The following SPECC1L variants were observed in gnomAD, a reference collection of about 807,000 sequenced individuals.
The protein encoded by SPECC1L is sperm antigen with calponin homology and coiled-coil domains 1 like.
A neutral mutation model predicts 116.8 loss-of-function variants in SPECC1L; 40 were observed. That is an observed-to-expected ratio of 0.34 (90% CI 0.27 to 0.45). The LOEUF (loss-of-function observed/expected upper bound fraction) is 0.45, where lower values mean the gene tolerates loss of function less well. Among genes scored for constraint, SPECC1L ranks in the 20% least tolerant of loss-of-function variants. SPECC1L has a pLI of 1.00. For missense variants in SPECC1L, 1,110 were observed against 1,373.6 expected, an observed-to-expected ratio of 0.81 and a Z score of 3.03; for synonymous variants, 504 against 500.6, an observed-to-expected ratio of 1.01 and a Z score of -0.09.
chr22:24,338,318 A>G, intron 9 of SPECC1L, 68 bp from the exon 10 acceptor site: 2 of 1,488,660 alleles, frequency 1.3e-6, no homozygotes, highest in Non-Finnish European at 1.9e-6. Context: ...GCGAGTCCTT[A>G]AGTGGAGACC....
At chr22:24,409,136 G>A (rs1478601642) in intron 14 of SPECC1L, among the ~76,000 whole-genome samples, 1 of 152,234 alleles carries the variant, frequency 6.6e-6, no homozygotes, top group Non-Finnish European at 1.5e-5. Context: ...ATTCTGTACA[G>A]ATATAGTTAA....
intron 14 of SPECC1L, among the ~76,000 whole-genome samples, chr22:24,399,784 GAC>G (rs2042436961): frequency 6.6e-6 from 1 of 152,122 alleles, no homozygotes; most frequent in Non-Finnish European, 1.5e-5. Flanking sequence ...TACAGAGGAT[GAC>G]ATATATCAGG....
intron 14 of SPECC1L, among the ~76,000 whole-genome samples, chr22:24,390,135 TAA>T (rs397961386): frequency 1.2e-3 from 167 of 135,534 alleles, no homozygotes; most frequent in African/African-American, 3.7e-3. Context: ...CCCCAACCCT[TAA>T]AAAAAAAAAA....
At chr22:24,296,633 T>A (rs924815703) in intron 2 of SPECC1L, among the ~76,000 whole-genome samples, 2 of 152,274 alleles carry the variant, frequency 1.3e-5, no homozygotes, top group African/African-American at 2.4e-5. Context: ...TGCTGTGAAC[T>A]GTGCTCCTTC....
chr22:24,332,204 G>A lies in SPECC1L; in HGVS notation c.2396+1773G>A, dbSNP rs1024965990. On this transcript the variant is annotated intron_variant, in intron 8 of 16. Transcript: ENST00000314328. ...CAGTATTCGTTGCCAGTGATAAAAT[G>A]TGGGCTTTGAAGTGAATGTTAGGAT... Among the ~76,000 whole-genome samples the A allele has an allele frequency of 2.0e-5, 3 of 152,308 alleles. No individual in the cohort carries two copies. In the East Asian group the frequency reaches 5.8e-4, roughly 29 times the overall value.
chr22:24,368,306 A>G (rs892740373), intron 13 of SPECC1L, among the ~76,000 whole-genome samples: 1 of 152,214 alleles, frequency 6.6e-6, no homozygotes, highest in African/African-American at 2.4e-5. Context: ...TCAATTGCCT[A>G]CTGCCTGCAC....
chr22:24,316,968 T>G (rs2040587249), intron 4 of SPECC1L, among the ~76,000 whole-genome samples: 1 of 110,138 alleles, frequency 9.1e-6, no homozygotes, highest in Non-Finnish European at 2.0e-5. Context: ...GCTCCTCACT[T>G]CCCAGTAGGG....
rs535375235 is a variant in SPECC1L, at chr22:24,302,579, A to G, written c.153+195A>G. Among the ~76,000 whole-genome samples, 3 of 152,332 alleles carry G rather than the reference A, an allele frequency of 2.0e-5. No homozygotes were observed. In the South Asian group the frequency reaches 6.2e-4, roughly 32 times the overall value. The stretch of plus-strand genomic sequence containing the variant: ...CTGTCTTTTTGAATGAAACCAGACA[A>G]TAGGCTTGTTCATGAAACAATAATT... On this transcript the variant is annotated intron_variant, in intron 3 of 16. Coordinates refer to ENST00000314328, the MANE Select transcript of SPECC1L (RefSeq NM_015330.6).
chr22:24,281,681 GC>G (rs2048945579), intron 2 of SPECC1L, among the ~76,000 whole-genome samples: 1 of 152,162 alleles, frequency 6.6e-6, no homozygotes, highest in African/African-American at 2.4e-5. Flanking sequence ...CGTTTTCAAA[GC>G]TTTTTGATGG....
chr22:24,377,758 G>A (rs1569441728), intron 14 of SPECC1L, among the ~76,000 whole-genome samples: 1 of 152,190 alleles, frequency 6.6e-6, no homozygotes, highest in Non-Finnish European at 1.5e-5. Flanking sequence ...TTGTCAATGA[G>A]CAGTAATATT....
At chr22:24,292,680 C>T (rs968708814) in intron 2 of SPECC1L, among the ~76,000 whole-genome samples, 1 of 152,032 alleles carries the variant, frequency 6.6e-6, no homozygotes, top group Non-Finnish European at 1.5e-5. Flanking sequence ...CATAGCCTTA[C>T]CATTGCTTTG....
chr22:24,381,708 C>T (rs554352037), intron 14 of SPECC1L, among the ~76,000 whole-genome samples: 22 of 152,112 alleles, frequency 1.4e-4, no homozygotes, highest in African/African-American at 3.6e-4. Flanking sequence ...TATGGTGAAA[C>T]GCCAGCTCTA....
chr22:24,315,568 G>A (rs1243527715), intron 4 of SPECC1L, among the ~76,000 whole-genome samples: 1 of 152,254 alleles, frequency 6.6e-6, no homozygotes, highest in Non-Finnish European at 1.5e-5. Context: ...CCATTTGCAT[G>A]TCTTCCTGTT....
intron 14 of SPECC1L, among the ~76,000 whole-genome samples, chr22:24,410,349 G>A (rs1212152305): frequency 6.6e-6 from 1 of 152,192 alleles, no homozygotes; most frequent in Non-Finnish European, 1.5e-5. Context: ...GTTTTTGATG[G>A]ACTGCAAGTC....
chr22:24,385,070 AAAAAAAG>A (rs2042135980), intron 14 of SPECC1L, among the ~76,000 whole-genome samples: 2 of 151,772 alleles, frequency 1.3e-5, no homozygotes, highest in African/African-American at 4.8e-5. Flanking sequence ...CTCAAAAAAA[AAAAAAAG>A]AAAAAAGAAT....
intron 3 of SPECC1L, among the ~76,000 whole-genome samples, chr22:24,312,221 G>A (rs771412868): frequency 5.9e-5 from 9 of 151,970 alleles, no homozygotes; most frequent in South Asian, 2.1e-4. Flanking sequence ...GATCCACCTC[G>A]GCCTCCCAAA....
At chr22:24,334,291 T>A in intron 8 of SPECC1L, 119 bp from the exon 9 acceptor site, 1 of 988,026 alleles carries the variant, frequency 1.0e-6, no homozygotes, top group Non-Finnish European at 1.6e-6. Context: ...GGATTACAGG[T>A]GTGAGCCACC....
At chr22:24,280,921 T>C (rs2048930685) in intron 2 of SPECC1L, among the ~76,000 whole-genome samples, 2 of 152,154 alleles carry the variant, frequency 1.3e-5, no homozygotes, top group South Asian at 4.1e-4. Flanking sequence ...CCCAACCATT[T>C]AAAAATGCAA....
intron 9 of SPECC1L, among the ~76,000 whole-genome samples, chr22:24,336,541 C>G (rs1162862699): frequency 1.3e-5 from 2 of 151,968 alleles, no homozygotes; most frequent in African/African-American, 4.8e-5. Flanking sequence ...TTAATAGCCA[C>G]TGTACTCTAG....
Sources: allele counts gnomAD v4.1 joint callset (sites outside exome capture counted in the v4.1 genomes callset), GRCh38; gene constraint gnomAD v4.1.1; transcripts MANE v1.5; gene names NCBI Gene and HGNC (gene_info 2026-07-23, HGNC 2026-07-21).